Variants in KNTC1 observed in about 807,000 individuals in gnomAD.
KNTC1 encodes kinetochore-associated protein 1.
KNTC1 carries 253 observed loss-of-function variants against 314.4 expected under a neutral mutation model. The ratio of observed to expected loss-of-function variants is 0.80; its 90% CI spans 0.73 to 0.89. The LOEUF (loss-of-function observed/expected upper bound fraction) is 0.89. Among genes scored for constraint, KNTC1 ranks in the 40% least tolerant of loss-of-function variants. KNTC1 has a pLI of 0.00. For synonymous variants in KNTC1, 901 were observed against 901.4 expected, an observed-to-expected ratio of 1.00 and a Z score of 0.01; for missense variants, 2,475 against 2,572.9, an observed-to-expected ratio of 0.96 and a Z score of 0.82.
At chr12:122,625,238 A>G (rs557794761) in intron 63 of KNTC1, among the ~76,000 whole-genome samples, 1 of 152,106 alleles carries the variant, frequency 6.6e-6, no homozygotes, top group Non-Finnish European at 1.5e-5. Flanking sequence ...CCCCGTCTCT[A>G]CTAAAAATAC....
Position 122,570,911 on chromosome 12 carries a change from G to A in KNTC1, c.1896G>A (p.Arg632=). The A allele has an allele frequency of 5.1e-6, 8 of 1,565,492 alleles. No individual in the cohort carries two copies. Among genetic ancestry groups the A allele is most frequent in the Non-Finnish European group, 6.9e-6 (8 of 1,152,540 alleles). The change falls in exon 23 of 64, where the codon AGG becomes AGA. Residue 632 remains arginine (R), a synonymous_variant. Transcript: ENST00000333479. ...ILAKWLEQAA[R]NLELTDKANW... ...CAAAATGGTTGGAACAAGCAGCCAG[G>A]AACCTTGAATTAACTGATAAGGTAA...
chr12:122,609,569 A>T, intron 52 of KNTC1, 139 bp downstream of exon 52: 1 of 587,558 alleles, frequency 1.7e-6, no homozygotes, highest in Non-Finnish European at 3.0e-6. Context: ...GAATCAGTTC[A>T]CTAATACGTG....
intron 60 of KNTC1, 142 bp downstream of exon 60, chr12:122,620,750 T>A: frequency 1.2e-6 from 1 of 836,240 alleles, no homozygotes; most frequent in Non-Finnish European, 1.8e-6. Context: ...GTATGGGGGC[T>A]TAGTGGGAGG....
Position 122,586,693 on chromosome 12 carries a change from T to C in KNTC1, c.3674-8T>C. 7.0e-7 allele frequency: 1 copy of C among 1,435,808 alleles called. No homozygotes were observed. Among genetic ancestry groups the C allele is most frequent in the Non-Finnish European group, 9.3e-7 (1 of 1,071,908 alleles). 88.9% of individuals were successfully genotyped at this position (1,435,808 alleles called of 1,614,324 possible). A position where few individuals can be genotyped will look rare whatever the true frequency, so the allele number is the denominator to read the frequency against. Reference sequence around the variant, plus strand: ...TAGTGTTGTTTAATGTTTTATTATCTTTTGTAGAAAGCAAGAGATATCCCT... The same window carrying C: ...TAGTGTTGTTTAATGTTTTATTATCCTTTGTAGAAAGCAAGAGATATCCCT... On this transcript the variant is annotated splice_region_variant and splice_polypyrimidine_tract_variant and intron_variant, in intron 37 of 63. Transcript: ENST00000333479.
At chr12:122,541,742 C>T (rs1016901379) in intron 5 of KNTC1, among the ~76,000 whole-genome samples, 4 of 151,854 alleles carry the variant, frequency 2.6e-5, no homozygotes, top group Admixed American at 6.6e-5. Flanking sequence ...GATTCCCAGC[C>T]GTGAGCAGTG....
chr12:122,618,899 G>A (rs978968090), intron 59 of KNTC1, among the ~76,000 whole-genome samples: 6 of 151,508 alleles, frequency 4.0e-5, no homozygotes, highest in Admixed American at 2.0e-4. Context: ...GAGCCATCCC[G>A]TGAGTAGCTG....
chr12:122,611,690 G>C (rs1442293103), intron 53 of KNTC1: 1 of 152,148 alleles, frequency 6.6e-6, no homozygotes, highest in Non-Finnish European at 1.5e-5. Context: ...CCGTATCTGT[G>C]GGAGGACTGG....
In KNTC1 at chr12:122,594,382, G is replaced by T; in HGVS notation, c.4352G>T (p.Cys1451Phe). 1 of 1,521,684 alleles carries T rather than the reference G, an allele frequency of 6.6e-7. No individual in the cohort carries two copies. Among genetic ancestry groups the T allele is most frequent in the Non-Finnish European group, 9.1e-7 (1 of 1,101,118 alleles). The allele number at this position is 1,521,684 out of a possible 1,614,324, so 94.3% of individuals were successfully genotyped here. A position where few individuals can be genotyped will look rare whatever the true frequency, so the allele number is the denominator to read the frequency against. The stretch of plus-strand genomic sequence containing the variant: ...GACACAAGCCTCATTTTGGAATATT[G>T]CAGGTAATTCTTTAAACATTAACGG... The part of the protein sequence containing the change: ...DMDTSLILEY[C>F]STFQLDCDAV... The change falls in exon 43 of 64, where the codon TGC (cysteine) becomes TTC (phenylalanine). Residue 1451 changes from cysteine to phenylalanine, a missense_variant. Transcript: ENST00000333479.
In KNTC1 at chr12:122,605,419, A is replaced by G; in HGVS notation, c.5496+4A>G. The G allele has an allele frequency of 6.7e-7, 1 of 1,481,966 alleles. No homozygotes were observed. The highest frequency in any genetic ancestry group is 9.3e-7 in the Non-Finnish European group (1 of 1,070,888). The allele number at this position is 1,481,966 out of a possible 1,614,324, so 91.8% of individuals were successfully genotyped here. On this transcript the variant is annotated splice_donor_region_variant and intron_variant, in intron 51 of 63. Transcript: ENST00000333479. ...CCCTTCAACAAAACCTGGTGAAGTA[A>G]GTACTTGCTGCCCAAGAGTATCTGT...
chr12:122,609,493 C>T (rs1566014261), intron 52 of KNTC1, 63 bp downstream of exon 52: 9 of 1,081,848 alleles, frequency 8.3e-6, no homozygotes, highest in Non-Finnish European at 5.3e-6. Flanking sequence ...CTTACCAGTA[C>T]ATTTTTCAGC....
At chr12:122,573,532 G>A (rs1055364443) in intron 26 of KNTC1, among the ~76,000 whole-genome samples, 1 of 152,160 alleles carries the variant, frequency 6.6e-6, no homozygotes, top group African/African-American at 2.4e-5. Context: ...TTTTGCCAAA[G>A]TTGAGGATAC....
At chr12:122,554,064 T>TAAAA (rs71085821) in intron 16 of KNTC1, among the ~76,000 whole-genome samples, 2,226 of 122,428 alleles carry the variant, frequency 0.018, 42 homozygotes, top group East Asian at 0.055. Flanking sequence ...AATACTTCCT[T>TAAAA]AAAAAAAAAA....
intron 20 of KNTC1, among the ~76,000 whole-genome samples, chr12:122,565,965 T>C (rs1964304813): frequency 6.6e-6 from 1 of 150,806 alleles, no homozygotes; most frequent in African/African-American, 2.4e-5. Flanking sequence ...TTTTTTTTTT[T>C]TTTTTGAGAC....
In KNTC1 at chr12:122,622,483, A is replaced by G; in HGVS notation, c.6391A>G (p.Asn2131Asp). ...SHQIRSLILN[N>D]IINKKEFGIL... ...ATAGATTAGAAGTCTGATTTTGAAT[A>G]ATATCATCAATAAGAAGGAGTTTGG... The change falls in exon 62 of 64, where the codon AAT (asparagine) becomes GAT (aspartate). Residue 2131 changes from asparagine (N) to aspartate (D), a missense_variant. Asn to Asp is a conservative substitution (Grantham distance 23). Transcript: ENST00000333479. 1.3e-6 allele frequency: 2 copies of G among 1,580,428 alleles called. No individual in the cohort carries two copies. Among genetic ancestry groups the G allele is most frequent in the Non-Finnish European group, 1.7e-6 (2 of 1,160,434 alleles).
At chr12:122,602,035 ACTT>A (rs1280969336) in intron 45 of KNTC1, 1 of 152,246 alleles carries the variant, frequency 6.6e-6, no homozygotes, top group Non-Finnish European at 1.5e-5. Flanking sequence ...ACTTTCATTA[ACTT>A]CTTCATCGTT....
Position 122,594,324 on chromosome 12 carries a change from C to T in KNTC1, c.4294C>T (p.Leu1432Phe), listed in dbSNP as rs1870735080. The T allele has an allele frequency of 1.2e-6, 2 of 1,611,018 alleles. No individual in the cohort carries two copies. The highest frequency in any genetic ancestry group is 1.3e-5 in the African/African-American group (1 of 74,892). ...FRQHFLTKKD[L>F]IKALVENIDM... Reference sequence around the variant, plus strand: ...GCAACATTTTCTCACCAAGAAAGACCTCATTAAAGCTCTTGTGGAGAATAT... The same window carrying T: ...GCAACATTTTCTCACCAAGAAAGACTTCATTAAAGCTCTTGTGGAGAATAT... The change falls in exon 43 of 64, where the codon CTC becomes TTC. Residue 1432 changes from leucine to phenylalanine, a missense_variant. Physicochemically the swap from Leu to Phe is conservative, Grantham distance 22. Transcript: ENST00000333479.
At chr12:122,561,801 C>A in intron 18 of KNTC1, 120 bp from the exon 19 acceptor site, 1 of 715,010 alleles carries the variant, frequency 1.4e-6, no homozygotes, top group Non-Finnish European at 2.3e-6. Context: ...GTTTACTATT[C>A]ATTTCACACT....
At chr12:122,586,658 G>A in intron 37 of KNTC1, 43 bp from the exon 38 acceptor site, 3 of 971,936 alleles carry the variant, frequency 3.1e-6, no homozygotes, top group South Asian at 2.2e-5. Flanking sequence ...TTTTAGTGTG[G>A]CCATCTATTT....
intron 16 of KNTC1, among the ~76,000 whole-genome samples, chr12:122,556,626 A>C (rs1264085089): frequency 6.6e-6 from 1 of 150,564 alleles, no homozygotes. Context: ...GCGCCCACTA[A>C]CATGCACTGC....
Sources: allele counts gnomAD v4.1 joint callset (sites outside exome capture counted in the v4.1 genomes callset), GRCh38; gene constraint gnomAD v4.1.1; transcripts MANE v1.5; gene names NCBI Gene and HGNC (gene_info 2026-07-23, HGNC 2026-07-21).